Variants in PPRC1 observed in about 807,000 individuals in gnomAD.
PPRC1 encodes peroxisome proliferator-activated receptor gamma coactivator-related protein 1.
Under a neutral mutation model 132.5 loss-of-function variants are expected in PPRC1, and 23 were observed. The ratio of observed to expected loss-of-function variants is 0.17; its 90% confidence interval spans 0.12 to 0.25. The LOEUF (loss-of-function observed/expected upper bound fraction) is 0.25, where lower values mean the gene tolerates loss of function less well. Among genes scored for constraint, PPRC1 ranks in the 10% least tolerant of loss-of-function variants. The pLI is 1.00. For missense variants in PPRC1, 2,006 were observed against 2,089.1 expected, an observed-to-expected ratio of 0.96 and a Z score of 0.78; for synonymous variants, 872 against 833.5, an observed-to-expected ratio of 1.05 and a Z score of -0.80.
chr10:102,125,208 A>C, the PPRC1 span, among the ~76,000 whole-genome samples: 1 of 150,840 alleles, frequency 6.6e-6, no homozygotes, highest in African/African-American at 2.4e-5. Flanking sequence ...CTCCTGCCTC[A>C]GCCTCCCAAG....
chr10:102,120,429 C>T, the PPRC1 span: 1 of 980,000 alleles, frequency 1.0e-6, no homozygotes, highest in African/African-American at 1.8e-5. Context: ...GCCGCCGTCG[C>T]CGAGCGCCCC....
chr10:102,119,995 C>A, the PPRC1 span: 6 of 1,031,714 alleles, frequency 5.8e-6, no homozygotes, highest in African/African-American at 5.1e-5. Context: ...GCCATCGACG[C>A]CCCCCACACA....
chr10:102,126,072 G>T, the PPRC1 span, among the ~76,000 whole-genome samples: 1 of 151,982 alleles, frequency 6.6e-6, no homozygotes, highest in Admixed American at 6.6e-5. Flanking sequence ...ATGTTGGTCA[G>T]GCTCATCTCG....
intron 1 of PPRC1, among the ~76,000 whole-genome samples, chr10:102,137,191 T>A (rs571556003): frequency 6.6e-6 from 1 of 152,096 alleles, no homozygotes; most frequent in East Asian, 1.9e-4. Flanking sequence ...ATACAAAAAT[T>A]AGCTGGGCGT....
intron 8 of PPRC1, 85 bp downstream of exon 8, chr10:102,145,175 C>A: frequency 1.5e-6 from 2 of 1,294,312 alleles, no homozygotes; most frequent in Non-Finnish European, 2.2e-6. Context: ...TGTGTGTAGG[C>A]GTTAAGGACA....
At chr10:102,124,641 A>ATT in the PPRC1 span, among the ~76,000 whole-genome samples, 130 of 117,002 alleles carry the variant, frequency 1.1e-3, 2 homozygotes, top group South Asian at 3.2e-3. Context: ...GTGCCTGGCC[A>ATT]TTTTTTTTTT....
intron 1 of PPRC1, among the ~76,000 whole-genome samples, chr10:102,135,538 A>T (rs1190591521): frequency 6.6e-6 from 1 of 151,978 alleles, no homozygotes; most frequent in Non-Finnish European, 1.5e-5. Flanking sequence ...ACCACCACAC[A>T]TGGCTAATTT....
rs777333443 is a variant in PPRC1, at chr10:102,146,903, C to T, written c.3911C>T (p.Thr1304Ile). The change falls in exon 9 of 14, where the codon ACC becomes ATC. Residue 1304 changes from threonine (T) to isoleucine (I), a missense_variant. Physicochemically the swap from Thr to Ile is moderately conservative, Grantham distance 89 (BLOSUM62 -1). Around this residue, in one of 2 missense-constraint regions of PPRC1, gnomAD observed 1,914 missense variants for 1,917.2 expected, o/e 1.00. Transcript: ENST00000278070. ...GDHDYCVRSR[T>I]PPKKMPALVI... Reference sequence around the variant, plus strand: ...CATGACTATTGTGTCCGGAGCAGGACCCCCCCAAAAAAGATGCCTGCCCTA... The same window carrying T: ...CATGACTATTGTGTCCGGAGCAGGATCCCCCCAAAAAAGATGCCTGCCCTA... The T allele has an allele frequency of 6.2e-7, 1 of 1,613,842 alleles. No homozygotes were observed. The highest frequency in any genetic ancestry group is 2.2e-5 in the East Asian group (1 of 44,860).
Position 102,137,942 on chromosome 10 carries a change from G to A in PPRC1, c.246G>A (p.Glu82=). ...GGGACAAGGACCTGGAAATGGAGGA[G>A]CTAATGCTGCAGGATGAGACACTGC... The part of the protein sequence containing the change: ...SLRDKDLEME[E]LMLQDETLLG... The change falls in exon 2 of 14, where the codon GAG becomes GAA. Residue 82 remains glutamate (E), a synonymous_variant. Transcript: ENST00000278070. The A allele has an allele frequency of 6.2e-7, 1 of 1,614,180 alleles. No homozygotes were observed. The highest frequency in any genetic ancestry group is 1.6e-4 in the Middle Eastern group (1 of 6,062).
chr10:102,127,416 T>A, the PPRC1 span, among the ~76,000 whole-genome samples: 2 of 152,084 alleles, frequency 1.3e-5, no homozygotes, highest in African/African-American at 4.8e-5. Flanking sequence ...AGAGTCTTGC[T>A]CTGTCTCAAG....
intron 5 of PPRC1, among the ~76,000 whole-genome samples, chr10:102,142,400 C>CG (rs2069029373): frequency 1.6e-5 from 1 of 61,206 alleles, no homozygotes; most frequent in African/African-American, 6.4e-5. Context: ...TGCACCATGC[C>CG]TTTTTTTTTT....
At chr10:102,127,062 T>C in the PPRC1 span, among the ~76,000 whole-genome samples, 2 of 60,424 alleles carry the variant, frequency 3.3e-5, no homozygotes, top group Non-Finnish European at 7.6e-5. Flanking sequence ...TATATATATA[T>C]ATATATAAAT....
intron 4 of PPRC1, 24 bp from the exon 5 acceptor site, chr10:102,139,076 T>G (rs776219118): frequency 1.9e-6 from 3 of 1,607,964 alleles, no homozygotes; most frequent in Non-Finnish European, 1.7e-6. Flanking sequence ...AAACTCCTCC[T>G]GAGACCTCTC....
chr10:102,142,415 T>TGAGA (rs2069032165), intron 5 of PPRC1, among the ~76,000 whole-genome samples: 2 of 102,182 alleles, frequency 2.0e-5, no homozygotes, highest in South Asian at 4.2e-4. Context: ...TTTTTTTTTT[T>TGAGA]TTTTTTTTTT....
In PPRC1 at chr10:102,140,787, G is replaced by C; in HGVS notation, c.2279G>C (p.Arg760Thr). The C allele has an allele frequency of 6.2e-7, 1 of 1,613,300 alleles. No homozygotes were observed. The highest frequency in any genetic ancestry group is 8.5e-7 in the Non-Finnish European group (1 of 1,179,926). The change falls in exon 5 of 14, where the codon AGG (arginine) becomes ACG (threonine). Residue 760 changes from arginine (R) to threonine (T), a missense_variant. Transcript: ENST00000278070. ...PLSLSEYRRR[R>T]QQRQAETEER... is the part of the protein sequence containing the mutation. ...AGCTTATCTGAGTACCGGCGACGAA[G>C]GCAGCAACGCCAAGCAGAAACAGAA...
intron 5 of PPRC1, 130 bp downstream of exon 5, chr10:102,142,134 A>C: frequency 8.9e-7 from 1 of 1,128,148 alleles, no homozygotes; most frequent in South Asian, 1.7e-5. Context: ...TTATTTTGAG[A>C]TGGAGTCTTG....
In PPRC1 at chr10:102,139,661, T is replaced by C. The variant is rs777731023; in HGVS notation, c.1153T>C (p.Ser385Pro). The C allele has an allele frequency of 1.5e-5, 25 of 1,614,068 alleles. No individual in the cohort carries two copies. In the South Asian group the frequency reaches 2.7e-4, roughly 18 times the overall value. ...VLLDDSLETS[S>P]ALQLLMPTLE... ...CCTGGATGACTCGCTAGAGACTAGT[T>C]CTGCCTTGCAGCTGCTTATGCCTAC... The change falls in exon 5 of 14, where the codon TCT (serine) becomes CCT (proline). Residue 385 changes from serine to proline, a missense_variant. Physicochemically the swap from Ser to Pro is moderately conservative, Grantham distance 74 (BLOSUM62 -1). Around this residue, in one of 2 missense-constraint regions of PPRC1, gnomAD observed 1,914 missense variants for 1,917.2 expected, o/e 1.00. Transcript: ENST00000278070.
At chr10:102,123,822 C>T in the PPRC1 span, among the ~76,000 whole-genome samples, 1 of 150,402 alleles carries the variant, frequency 6.6e-6, no homozygotes, top group African/African-American at 2.4e-5. Flanking sequence ...GCGTGAGCCA[C>T]CACGCCCGGC....
At chr10:102,131,012 G>A (rs1356694957), upstream of PPRC1, among the ~76,000 whole-genome samples, 1 of 151,964 alleles carries the variant, frequency 6.6e-6, no homozygotes, top group Non-Finnish European at 1.5e-5. Flanking sequence ...CCAACATGGT[G>A]AAACCCTGTC....
Sources: gnomAD v4.1 joint callset for allele counts (sites outside exome capture counted in the v4.1 genomes callset) on GRCh38, gnomAD v4.1.1 for gene constraint, gnomAD v4.1.1 regional missense constraint, MANE v1.5 for transcripts, NCBI Gene and HGNC (gene_info 2026-07-23, HGNC 2026-07-21) for gene names.